Variants in LYPD6B observed in about 807,000 individuals in gnomAD.
The protein encoded by LYPD6B is LY6/PLAUR domain containing 6B.
In LYPD6B, 17 loss-of-function variants were observed where a neutral mutation model predicts 22.8. The ratio of observed to expected loss-of-function variants is 0.75; its 90% CI spans 0.51 to 1.12. LYPD6B has a LOEUF of 1.12. Among genes scored for constraint, LYPD6B ranks in the 50% most tolerant of loss-of-function variants. LYPD6B has a pLI of 0.00. For synonymous variants in LYPD6B, 106 were observed against 91.6 expected, an observed-to-expected ratio of 1.16 and a Z score of -0.90; for missense variants, 221 against 258.3, an observed-to-expected ratio of 0.86 and a Z score of 0.99.
chr2:149,123,260 A>T (rs1275942191), intron 1 of LYPD6B, among the ~76,000 whole-genome samples: 1 of 152,118 alleles, frequency 6.6e-6, no homozygotes, highest in Non-Finnish European at 1.5e-5. Flanking sequence ...AATCCTTTTA[A>T]CTTAACTTGA....
chr2:149,064,274 T>C (rs907844814), intron 1 of LYPD6B, among the ~76,000 whole-genome samples: 3 of 152,240 alleles, frequency 2.0e-5, no homozygotes, highest in African/African-American at 4.8e-5. Flanking sequence ...TTTCTACTTA[T>C]GAAGTCATGA....
chr2:149,137,691 T>C (rs891291320), intron 2 of LYPD6B, among the ~76,000 whole-genome samples: 1 of 152,210 alleles, frequency 6.6e-6, no homozygotes, highest in Non-Finnish European at 1.5e-5. Context: ...TTTTTGTTAG[T>C]AGACATTTAG....
chr2:149,068,801 A>G (rs1684459856), intron 1 of LYPD6B: 1 of 461,566 alleles, frequency 2.2e-6, no homozygotes, highest in African/African-American at 2.0e-5. Flanking sequence ...AGGCTCGATC[A>G]TTTTGCAAGG....
chr2:149,120,716 G>A lies in LYPD6B; in HGVS notation c.-66-10167G>A, dbSNP rs145927223. Among the ~76,000 whole-genome samples, 40 of 148,388 alleles carry A rather than the reference G, an allele frequency of 2.7e-4. No individual in the cohort carries two copies. In the East Asian group the frequency reaches 8.0e-3, roughly 30 times the overall value. On this transcript the variant is annotated intron_variant, in intron 1 of 6. Transcript: ENST00000409642. Reference sequence around the variant, plus strand: ...ATTTTTACATAATTAAAATTCTGATGCACGTCCAAATATGTGTTCTATTTA... The same window carrying A: ...ATTTTTACATAATTAAAATTCTGATACACGTCCAAATATGTGTTCTATTTA...
intron 1 of LYPD6B, among the ~76,000 whole-genome samples, chr2:149,129,136 C>T (rs1441708237): frequency 6.6e-6 from 1 of 152,124 alleles, no homozygotes; most frequent in Non-Finnish European, 1.5e-5. Flanking sequence ...ATCCTTTAAA[C>T]AGAAAAAGGT....
intron 3 of LYPD6B, among the ~76,000 whole-genome samples, chr2:149,193,692 G>A (rs1279540490): frequency 6.6e-6 from 1 of 152,086 alleles, no homozygotes; most frequent in Non-Finnish European, 1.5e-5. Context: ...AGCAGTTCAG[G>A]AGTAGCTTCT....
At chr2:149,070,098 A>G (rs1248376055) in intron 1 of LYPD6B, among the ~76,000 whole-genome samples, 1 of 152,056 alleles carries the variant, frequency 6.6e-6, no homozygotes, top group East Asian at 1.9e-4. Context: ...GAAGCAAGGC[A>G]CTATAGGTTC....
chr2:149,072,301 A>T (rs1177732145), intron 1 of LYPD6B, among the ~76,000 whole-genome samples: 1 of 152,094 alleles, frequency 6.6e-6, no homozygotes, highest in Non-Finnish European at 1.5e-5. Flanking sequence ...GCTATGAAGG[A>T]TAACACAGGA....
chr2:149,106,568 G>T (rs1426160666), intron 1 of LYPD6B, among the ~76,000 whole-genome samples: 3 of 152,070 alleles, frequency 2.0e-5, no homozygotes, highest in Non-Finnish European at 4.4e-5. Flanking sequence ...GTATAAAGTT[G>T]TTTATAATAT....
intron 1 of LYPD6B, among the ~76,000 whole-genome samples, chr2:149,056,146 A>G (rs1158237761): frequency 2.0e-5 from 3 of 152,234 alleles, no homozygotes; most frequent in Non-Finnish European, 2.9e-5. Context: ...CATGTAACAC[A>G]TAGGTGCCAA....
At chr2:149,059,689 G>A (rs548991914) in intron 1 of LYPD6B, among the ~76,000 whole-genome samples, 79 of 152,236 alleles carry the variant, frequency 5.2e-4, no homozygotes, top group Admixed American at 1.4e-3. Context: ...GCTGACCCTG[G>A]GCTGAAAGAT....
chr2:149,092,378 C>A (rs141577166), intron 1 of LYPD6B, among the ~76,000 whole-genome samples: 2 of 152,042 alleles, frequency 1.3e-5, no homozygotes, highest in African/African-American at 2.4e-5. Context: ...TCATGAAGAC[C>A]ACAGGCCAGG....
Position 149,213,068 on chromosome 2 carries a change from C to CAG in LYPD6B, c.407_408dup (p.Ser137GlufsTer27). On this transcript the variant is annotated frameshift_variant, in exon 6 of 7. Coordinates refer to ENST00000409642, the MANE Select transcript of LYPD6B (RefSeq NM_177964.5). LOFTEE classifies it high-confidence loss of function. ...CATCCATCACCAAAAAGTGTGCCTC[C>CAG]AGAAGTGAATGTCATTTTGTCGGTT... 6.2e-7 allele frequency: 1 copy of CAG among 1,613,932 alleles called. No individual in the cohort carries two copies. The highest frequency in any genetic ancestry group is 8.5e-7 in the Non-Finnish European group (1 of 1,179,864).
At position 149,115,445 on chromosome 2, in the gene LYPD6B, G is replaced by A. The variant is rs1044889249; in HGVS notation, c.-66-15438G>A. On this transcript the variant is annotated intron_variant, in intron 1 of 6. Transcript: ENST00000409642. Reference sequence around the variant, plus strand: ...GTAGAAACTTAGAATGCTCACCCATGTCTGGTTTATCTTAATGGGAAGATT... The same window carrying A: ...GTAGAAACTTAGAATGCTCACCCATATCTGGTTTATCTTAATGGGAAGATT... 3.3e-5 allele frequency among the ~76,000 whole-genome samples: 5 copies of A among 152,294 alleles called. No homozygotes were observed. The South Asian group carries it at 1.0e-3, about 32-fold the overall frequency.
intron 5 of LYPD6B, 70 bp downstream of exon 5, chr2:149,208,482 TC>T (rs1693642032): frequency 6.6e-6 from 8 of 1,211,536 alleles, no homozygotes; most frequent in Admixed American, 1.8e-5. Context: ...TTGATGATGT[TC>T]TTTAGGAATC....
At chr2:149,120,392 T>A (rs1368616057) in intron 1 of LYPD6B, among the ~76,000 whole-genome samples, 4 of 107,968 alleles carry the variant, frequency 3.7e-5, no homozygotes, top group Non-Finnish European at 7.2e-5. Context: ...TATTTTTTTT[T>A]TTTTTTTTTT....
intron 3 of LYPD6B, among the ~76,000 whole-genome samples, chr2:149,186,760 CTTAG>C: frequency 6.6e-6 from 1 of 152,280 alleles, no homozygotes. Flanking sequence ...ATTTCAGAAA[CTTAG>C]TTGGTAAAAC....
intron 1 of LYPD6B, among the ~76,000 whole-genome samples, chr2:149,129,415 A>G (rs975654095): frequency 1.3e-5 from 2 of 152,294 alleles, no homozygotes; most frequent in South Asian, 2.1e-4. Flanking sequence ...TAACCTCTGA[A>G]TATGTGTCCC....
chr2:149,109,815 G>A (rs1359258072), intron 1 of LYPD6B, among the ~76,000 whole-genome samples: 3 of 151,984 alleles, frequency 2.0e-5, no homozygotes, highest in Admixed American at 6.6e-5. Context: ...AGGTTCAAGC[G>A]ATTATCCTTC....
Sources: gnomAD v4.1 joint callset for allele counts (sites outside exome capture counted in the v4.1 genomes callset) on GRCh38, gnomAD v4.1.1 for gene constraint, MANE v1.5 for transcripts, NCBI Gene and HGNC (gene_info 2026-07-23, HGNC 2026-07-21) for gene names.